The following NALF1 variants were observed in gnomAD, a reference collection of about 807,000 sequenced individuals.
NALF1 encodes NALCN channel auxiliary factor 1.
NALF1 carries 3 observed loss-of-function variants against 48.4 expected under a neutral mutation model. The observed-to-expected ratio is 0.06, with a 90% confidence interval of 0.03 to 0.16. The LOEUF is 0.16. Among genes scored for constraint, NALF1 ranks in the 10% least tolerant of loss-of-function variants. NALF1 has a pLI of 1.00. For missense variants in NALF1, 526 were observed against 571.5 expected (o/e 0.92, Z 0.81); for synonymous variants, 262 against 245.7 (o/e 1.07, Z -0.62).
At chr13:107,583,055 C>A (rs1396329955) in intron 1 of NALF1, among the ~76,000 whole-genome samples, 1 of 152,034 alleles carries the variant, frequency 6.6e-6, no homozygotes, top group African/African-American at 2.4e-5. Context: ...AGGAGTAGGA[C>A]TAGTTTCATC....
chr13:107,690,160 T>A (rs1881534428), intron 1 of NALF1, among the ~76,000 whole-genome samples: 1 of 152,108 alleles, frequency 6.6e-6, no homozygotes, highest in Non-Finnish European at 1.5e-5. Flanking sequence ...TGTTTGAGAG[T>A]TAGAATAAAG....
chr13:107,406,897 A>C (rs1883909387), intron 1 of NALF1, among the ~76,000 whole-genome samples: 1 of 152,158 alleles, frequency 6.6e-6, no homozygotes, highest in African/African-American at 2.4e-5. Flanking sequence ...CCAAAACAGC[A>C]TGGGACTGGT....
At chr13:107,385,660 A>G (rs951903570) in intron 1 of NALF1, among the ~76,000 whole-genome samples, 3 of 152,162 alleles carry the variant, frequency 2.0e-5, no homozygotes, top group Admixed American at 1.3e-4. Context: ...TTACACTGAA[A>G]GTTTCTTAAA....
chr13:107,530,208 T>C (rs1486669254), intron 1 of NALF1, among the ~76,000 whole-genome samples: 1 of 152,108 alleles, frequency 6.6e-6, no homozygotes, highest in Non-Finnish European at 1.5e-5. Flanking sequence ...AGTCATCTAC[T>C]TAAGGAGGCC....
intron 1 of NALF1, among the ~76,000 whole-genome samples, chr13:107,634,765 A>C (rs2138451951): frequency 6.6e-6 from 1 of 152,274 alleles, no homozygotes; most frequent in South Asian, 2.1e-4. Flanking sequence ...CAATTCTCTC[A>C]TCAAGAAGGA....
intron 1 of NALF1, among the ~76,000 whole-genome samples, chr13:107,795,539 C>T (rs1313835097): frequency 6.6e-6 from 1 of 152,164 alleles, no homozygotes; most frequent in Admixed American, 6.6e-5. Flanking sequence ...ATCCTTTACG[C>T]TTTTCTGTAA....
chr13:107,682,010 C>T (rs1238684944), intron 1 of NALF1, among the ~76,000 whole-genome samples: 1 of 152,188 alleles, frequency 6.6e-6, no homozygotes, highest in Non-Finnish European at 1.5e-5. Context: ...ACCCAGATGA[C>T]CTCCTGGTCT....
intron 1 of NALF1, among the ~76,000 whole-genome samples, chr13:107,292,994 T>TTTTCTTTTC (rs1170940121): frequency 7.3e-5 from 5 of 68,578 alleles, no homozygotes; most frequent in East Asian, 4.9e-4. Context: ...TTCTTTTTCT[T>TTTTCTTTTC]TTTTTTTTTT....
chr13:107,362,706 C>T lies in NALF1; in HGVS notation c.916-151951G>A, dbSNP rs555744066. 5.7e-4 allele frequency among the ~76,000 whole-genome samples: 86 copies of T among 152,182 alleles called. No homozygotes were observed. Among genetic ancestry groups the T allele is most frequent in the African/African-American group, 2.0e-3 (85 of 41,504 alleles). On this transcript the variant is annotated intron_variant, in intron 1 of 2. Coordinates refer to ENST00000375915, the MANE Select transcript of NALF1 (RefSeq NM_001080396.3). This position sits in a 1 kb window ranked among gnomAD's most constrained non-coding sequence, Gnocchi z 4.6. ...TTGCTGGGGGGACACAATTCTACCA[C>T]CGACAAGTGTCTGGAGGGATGTGGA...
At chr13:107,252,663 G>T (rs1047531008) in intron 1 of NALF1, among the ~76,000 whole-genome samples, 1 of 152,108 alleles carries the variant, frequency 6.6e-6, no homozygotes, top group African/African-American at 2.4e-5. Flanking sequence ...GTCCACACTC[G>T]GGGTGGGGGA....
intron 1 of NALF1, among the ~76,000 whole-genome samples, chr13:107,801,606 A>C (rs896486998): frequency 6.6e-6 from 1 of 152,200 alleles, no homozygotes; most frequent in African/African-American, 2.4e-5. Flanking sequence ...AGGTTTTCCT[A>C]GAAACTGACT....
chr13:107,632,806 G>T (rs1352199153), intron 1 of NALF1, among the ~76,000 whole-genome samples: 2 of 151,670 alleles, frequency 1.3e-5, no homozygotes, highest in African/African-American at 4.8e-5. Flanking sequence ...AAATGAATGA[G>T]GGAATAAATG....
intron 1 of NALF1, among the ~76,000 whole-genome samples, chr13:107,711,836 G>A (rs1219603952): frequency 6.6e-6 from 1 of 152,154 alleles, no homozygotes; most frequent in Non-Finnish European, 1.5e-5. Context: ...GTTTTTTACT[G>A]TAGCTATTGA....
intron 1 of NALF1, among the ~76,000 whole-genome samples, chr13:107,762,653 T>C (rs1017918747): frequency 6.6e-6 from 1 of 152,004 alleles, no homozygotes; most frequent in East Asian, 1.9e-4. Flanking sequence ...GGAAATGGAA[T>C]GGTGGTTGCA....
intron 1 of NALF1, among the ~76,000 whole-genome samples, chr13:107,677,031 A>C (rs9520547): frequency 0.51 from 77,437 of 151,510 alleles, 20,587 homozygotes; most frequent in Middle Eastern, 0.67. Context: ...TAGAATAAAT[A>C]GTCCTTGTTT....
chr13:107,715,749 A>C (rs4772915), intron 1 of NALF1, among the ~76,000 whole-genome samples: 1 of 152,188 alleles, frequency 6.6e-6, no homozygotes, highest in Admixed American at 6.5e-5. Context: ...GAGGCCTCTC[A>C]CGTCTTTACA....
chr13:107,632,501 T>C (rs1430574203), intron 1 of NALF1, among the ~76,000 whole-genome samples: 1 of 152,108 alleles, frequency 6.6e-6, no homozygotes. Flanking sequence ...AACCTCTATA[T>C]TTTCCCCATG....
chr13:107,830,396 C>T (rs1879681980), intron 1 of NALF1, among the ~76,000 whole-genome samples: 1 of 152,150 alleles, frequency 6.6e-6, no homozygotes, highest in Non-Finnish European at 1.5e-5. Flanking sequence ...ATTTTACATT[C>T]CCACCAACAA....
At chr13:107,837,666 G>A (rs568317369) in intron 1 of NALF1, among the ~76,000 whole-genome samples, 22 of 150,674 alleles carry the variant, frequency 1.5e-4, no homozygotes, top group African/African-American at 4.6e-4. Flanking sequence ...TTGGGACCCC[G>A]GATGCCCCAC....
Sources: gnomAD v4.1 joint callset for allele counts (sites outside exome capture counted in the v4.1 genomes callset) on GRCh38, gnomAD v4.1.1 for gene constraint, Gnocchi (gnomAD v3.1) non-coding constraint, MANE v1.5 for transcripts, NCBI Gene and HGNC (gene_info 2026-07-23, HGNC 2026-07-21) for gene names.